Variants in SCOC observed in about 807,000 individuals in gnomAD.
SCOC encodes short coiled-coil protein.
Under a neutral mutation model 9.9 loss-of-function variants are expected in SCOC, and 7 were observed. The observed-to-expected ratio is 0.71, with a 90% confidence interval of 0.40 to 1.33. The LOEUF (loss-of-function observed/expected upper bound fraction) is 1.33, where lower values mean the gene tolerates loss of function less well. SCOC is among the 40% of genes most tolerant of loss of function. SCOC has a pLI of 0.01. For synonymous variants in SCOC, 19 were observed against 28.2 expected (o/e 0.67, Z 1.03); for missense variants, 66 against 89.7 (o/e 0.74, Z 1.07).
At chr4:140,362,273 C>CTGTTGTTCTTCTTCTTCTTCTTCTTCTT in intron 2 of SCOC, among the ~76,000 whole-genome samples, 2 of 29,076 alleles carry the variant, frequency 6.9e-5, no homozygotes, top group Admixed American at 3.4e-4. Context: ...ACAGGTGTGT[C>CTGTTGTTCTTCTTCTTCTTCTTCTTCTT]CTTACTTCTT....
At chr4:140,257,788 T>G (rs1282681382) in intron 1 of SCOC, among the ~76,000 whole-genome samples, 9 of 152,184 alleles carry the variant, frequency 5.9e-5, no homozygotes, top group Admixed American at 3.9e-4. Flanking sequence ...ATCATGACTG[T>G]TTCTATCCTC....
chr4:140,296,195 G>A (rs1258731280), intron 1 of SCOC, among the ~76,000 whole-genome samples: 2 of 152,078 alleles, frequency 1.3e-5, no homozygotes, highest in East Asian at 3.9e-4. Flanking sequence ...GCGCATCACA[G>A]AGGGGTCTTC....
chr4:140,324,458 CA>C (rs1732587988), intron 1 of SCOC, among the ~76,000 whole-genome samples: 1 of 151,818 alleles, frequency 6.6e-6, no homozygotes. Flanking sequence ...TAGACAATTC[CA>C]AAAATATACA....
chr4:140,286,470 T>C (rs1731272877), intron 1 of SCOC, among the ~76,000 whole-genome samples: 1 of 152,058 alleles, frequency 6.6e-6, no homozygotes, highest in Admixed American at 6.5e-5. Context: ...TAACGAGCCA[T>C]ATGCAGCTTC....
At chr4:140,317,684 GTAT>G (rs4056378) in intron 1 of SCOC, among the ~76,000 whole-genome samples, 2,131 of 127,254 alleles carry the variant, frequency 0.017, 45 homozygotes, top group Admixed American at 0.086. Flanking sequence ...TATTTTATTT[GTAT>G]TATTATTATT....
At chr4:140,310,750 C>T (rs112802386) in intron 1 of SCOC, among the ~76,000 whole-genome samples, 46 of 152,304 alleles carry the variant, frequency 3.0e-4, no homozygotes, top group African/African-American at 1.1e-3. Context: ...AAACTCTGCT[C>T]TTCCTGTCCC....
At chr4:140,318,954 AC>A (rs1459528276) in intron 1 of SCOC, among the ~76,000 whole-genome samples, 1 of 151,918 alleles carries the variant, frequency 6.6e-6, no homozygotes, top group African/African-American at 2.4e-5. Flanking sequence ...TGGTGCAGGA[AC>A]CTTTTTTCTA....
intron 2 of SCOC, among the ~76,000 whole-genome samples, chr4:140,358,324 C>T (rs2126544796): frequency 6.6e-6 from 1 of 152,326 alleles, no homozygotes; most frequent in African/African-American, 2.4e-5. Context: ...CACATACAAA[C>T]ATTGCTGCTA....
intron 2 of SCOC, among the ~76,000 whole-genome samples, chr4:140,344,543 T>C (rs1018648997): frequency 6.6e-6 from 1 of 152,238 alleles, no homozygotes; most frequent in Non-Finnish European, 1.5e-5. Flanking sequence ...CTTTCTAAAG[T>C]GCAGCCAGAC....
chr4:140,329,558 A>C (rs1029196065), intron 1 of SCOC, among the ~76,000 whole-genome samples: 8 of 152,232 alleles, frequency 5.3e-5, no homozygotes, highest in African/African-American at 1.9e-4. Flanking sequence ...CATCTGACAA[A>C]GGACTAATAT....
chr4:140,340,782 A>ATTTTTTTTTTT (rs1726483025), upstream of SCOC, among the ~76,000 whole-genome samples: 1 of 49,674 alleles, frequency 2.0e-5, no homozygotes, highest in African/African-American at 9.5e-5. Context: ...ATGCTGCCTA[A>ATTTTTTTTTTT]CTTTTTTTTT....
intron 1 of SCOC, among the ~76,000 whole-genome samples, chr4:140,268,983 T>TA (rs1334384655): frequency 3.3e-5 from 5 of 152,174 alleles, no homozygotes; most frequent in African/African-American, 9.7e-5. Flanking sequence ...CATTCCAACT[T>TA]ACAGTCATAA....
chr4:140,270,762 C>T (rs922376184), intron 1 of SCOC, among the ~76,000 whole-genome samples: 6 of 152,178 alleles, frequency 3.9e-5, no homozygotes, highest in Non-Finnish European at 5.9e-5. Flanking sequence ...TGGTTACTAT[C>T]TCTAGGAGTT....
intron 1 of SCOC, among the ~76,000 whole-genome samples, chr4:140,323,418 T>C (rs1732556819): frequency 6.6e-6 from 1 of 152,216 alleles, no homozygotes; most frequent in African/African-American, 2.4e-5. Context: ...GCCTCATGTA[T>C]TCCTTTATAG....
intron 1 of SCOC, chr4:140,343,616 A>T: frequency 6.2e-7 from 1 of 1,601,432 alleles, no homozygotes; most frequent in Non-Finnish European, 8.6e-7. Context: ...TTTTCTTACT[A>T]ACAGGTCTGA....
chr4:140,366,199 T>C (rs901194580), intron 2 of SCOC: 53 of 690,124 alleles, frequency 7.7e-5, no homozygotes, highest in Middle Eastern at 3.1e-4. Context: ...TTTTTTTTTT[T>C]CCCAAATAGA....
At chr4:140,336,591 G>T (rs529207674) in intron 1 of SCOC, among the ~76,000 whole-genome samples, 1 of 152,244 alleles carries the variant, frequency 6.6e-6, no homozygotes, top group East Asian at 1.9e-4. Flanking sequence ...ATATTCCATT[G>T]AATGTACGTA....
intron 1 of SCOC, among the ~76,000 whole-genome samples, chr4:140,306,281 G>C (rs1241245005): frequency 2.0e-5 from 3 of 152,046 alleles, no homozygotes; most frequent in African/African-American, 7.2e-5. Context: ...AACAGCACAG[G>C]AAAGACCCAC....
At chr4:140,261,443 C>T (rs962700213) in intron 1 of SCOC, among the ~76,000 whole-genome samples, 1 of 152,220 alleles carries the variant, frequency 6.6e-6, no homozygotes, top group Admixed American at 6.5e-5. Flanking sequence ...ATGTTGCTCC[C>T]TTCCCATACC....
Sources: gnomAD v4.1 joint callset for allele counts (sites outside exome capture counted in the v4.1 genomes callset) on GRCh38, gnomAD v4.1.1 for gene constraint, MANE v1.5 for transcripts, NCBI Gene and HGNC (gene_info 2026-07-23, HGNC 2026-07-21) for gene names.